The following NCOA3 variants were observed in gnomAD, a reference collection of about 807,000 sequenced individuals.
The protein encoded by NCOA3 is nuclear receptor coactivator 3, also known as CBP-interacting protein.
NCOA3 carries 51 observed loss-of-function variants against 158.8 expected under a neutral mutation model. That is an observed-to-expected ratio of 0.32 (90% CI 0.26 to 0.41). The LOEUF (loss-of-function observed/expected upper bound fraction) is 0.41. Among genes scored for constraint, NCOA3 ranks in the 10% least tolerant of loss-of-function variants. The pLI is 1.00. For missense variants in NCOA3, 1,510 were observed against 1,746.6 expected (o/e 0.86, Z 2.41); for synonymous variants, 537 against 592.4 (o/e 0.91, Z 1.36).
At chr20:47,522,957 G>A (rs1236665843) in intron 1 of NCOA3, among the ~76,000 whole-genome samples, 4 of 151,672 alleles carry the variant, frequency 2.6e-5, no homozygotes, top group Non-Finnish European at 5.9e-5. Flanking sequence ...TTGGGAGGCC[G>A]AGGTGGGCGG....
intron 1 of NCOA3, among the ~76,000 whole-genome samples, chr20:47,542,998 T>TA (rs1192376471): frequency 6.6e-6 from 1 of 152,054 alleles, no homozygotes; most frequent in African/African-American, 2.4e-5. Context: ...AACTCCTTAG[T>TA]ATTTATTATC....
At chr20:47,590,453 G>A (rs928357076) in intron 2 of NCOA3, among the ~76,000 whole-genome samples, 3 of 152,032 alleles carry the variant, frequency 2.0e-5, no homozygotes, top group African/African-American at 4.8e-5. Flanking sequence ...GAGTAGCTGG[G>A]ACTACAGGCA....
intron 1 of NCOA3, among the ~76,000 whole-genome samples, chr20:47,579,861 G>T (rs6125048): frequency 0.053 from 7,996 of 152,240 alleles, 952 homozygotes; most frequent in East Asian, 0.4. Context: ...CTGCCTCTCT[G>T]AACTAGAGTT....
intron 2 of NCOA3, among the ~76,000 whole-genome samples, chr20:47,608,747 T>A (rs2085994351): frequency 6.6e-6 from 1 of 152,166 alleles, no homozygotes; most frequent in South Asian, 2.1e-4. Context: ...TTCCAGTTTT[T>A]AAGAGGTAAA....
intron 16 of NCOA3, among the ~76,000 whole-genome samples, chr20:47,641,490 CTTTTTTTTT>C (rs71183270): frequency 6.2e-4 from 30 of 48,362 alleles, no homozygotes; most frequent in African/African-American, 2.5e-3. Flanking sequence ...TGGCTCCCTT[CTTTTTTTTT>C]TTTTTTTTTT....
chr20:47,544,114 G>T (rs2084788474), intron 1 of NCOA3, among the ~76,000 whole-genome samples: 1 of 151,964 alleles, frequency 6.6e-6, no homozygotes, highest in Non-Finnish European at 1.5e-5. Flanking sequence ...GCTAACACTG[G>T]TATAATACTG....
At chr20:47,629,323 G>A (rs1361595370) in intron 8 of NCOA3, among the ~76,000 whole-genome samples, 5 of 151,742 alleles carry the variant, frequency 3.3e-5, no homozygotes, top group African/African-American at 1.2e-4. Context: ...TTACGCTGAT[G>A]GATGTTACTT....
At chr20:47,625,897 A>G (rs570482955) in intron 5 of NCOA3, among the ~76,000 whole-genome samples, 9 of 152,366 alleles carry the variant, frequency 5.9e-5, no homozygotes, top group East Asian at 1.9e-4. Context: ...TGATGACTAT[A>G]TAGCACTTAC....
Position 47,646,990 on chromosome 20 carries a change from G to A in NCOA3, c.3253-83G>A, listed in dbSNP as rs1411924641. The A allele has an allele frequency of 3.8e-6, 5 of 1,307,406 alleles. No homozygotes were observed. In the African/African-American group the frequency reaches 7.4e-5, roughly 19 times the overall value. The allele number at this position is 1,307,406 out of a possible 1,614,324, so 81.0% of individuals were successfully genotyped here. The stretch of plus-strand genomic sequence containing the variant: ...TTAAATACTTGTTGAATGACTGGAT[G>A]TTTTTTGCACTTTCTTTAGAGCATT... On this transcript the variant is annotated intron_variant, in intron 17 of 22. Transcript: ENST00000371998.
rs1256541856 is a variant in NCOA3 at position 47,542,008 on chromosome 20, A to AGTTTTTTT, written c.-99+39990_-99+39997dup. ...TATCAAATTATTTTTTGCCCTGTAG[A>AGTTTTTTT]GTTTTTTTTTTTTTTTTTTTTTGTT... On this transcript the variant is annotated intron_variant, in intron 1 of 22. Coordinates refer to ENST00000371998, the MANE Select transcript of NCOA3 (RefSeq NM_181659.3). Among the ~76,000 whole-genome samples the AGTTTTTTT allele has an allele frequency of 1.2e-3, 66 of 54,256 alleles. 6 individuals are homozygous for AGTTTTTTT. The highest frequency in any genetic ancestry group is 6.9e-4 in the Non-Finnish European group (17 of 24,716). 35.6% of individuals were successfully genotyped at this position (54,256 alleles called of 152,430 possible).
intron 2 of NCOA3, among the ~76,000 whole-genome samples, chr20:47,615,353 C>T (rs1235821042): frequency 6.6e-6 from 1 of 152,160 alleles, no homozygotes; most frequent in African/African-American, 2.4e-5. Flanking sequence ...TTAGGTCCCT[C>T]AAAATAACTT....
chr20:47,563,240 G>A (rs1055923479), intron 1 of NCOA3, among the ~76,000 whole-genome samples: 4 of 152,112 alleles, frequency 2.6e-5, no homozygotes, highest in African/African-American at 9.7e-5. Flanking sequence ...TTTTTTGGTG[G>A]CATCATTTTT....
intron 1 of NCOA3, among the ~76,000 whole-genome samples, chr20:47,520,046 G>T (rs2084301198): frequency 9.0e-6 from 1 of 110,942 alleles, no homozygotes; most frequent in South Asian, 3.4e-4. Context: ...ACAGGTGTGA[G>T]CAACTGTGCC....
At chr20:47,502,094 C>T (rs971230954) in intron 1 of NCOA3, 75 bp downstream of exon 1, 10 of 398,646 alleles carry the variant, frequency 2.5e-5, no homozygotes, top group African/African-American at 1.9e-4. Context: ...GGGGCGAGTT[C>T]CCCAGGCTGC....
intron 16 of NCOA3, among the ~76,000 whole-genome samples, chr20:47,641,552 G>C (rs2086611272): frequency 7.5e-6 from 1 of 133,396 alleles, no homozygotes; most frequent in South Asian, 2.4e-4. Flanking sequence ...CCAGCCTGGA[G>C]TGCAGTGGCG....
intron 1 of NCOA3, among the ~76,000 whole-genome samples, chr20:47,526,380 A>G (rs1447391754): frequency 3.3e-5 from 5 of 152,088 alleles, no homozygotes; most frequent in South Asian, 2.1e-4. Flanking sequence ...AGAGGCTGCA[A>G]TCTCGGCACT....
intron 2 of NCOA3, 118 bp from the exon 3 acceptor site, chr20:47,622,111 T>C (rs367610280): frequency 1.0e-4 from 58 of 562,174 alleles, no homozygotes; most frequent in African/African-American, 9.3e-4. Flanking sequence ...TTGAGAATTA[T>C]CTGTTTAGAG....
intron 1 of NCOA3, among the ~76,000 whole-genome samples, chr20:47,530,985 C>G (rs1198117982): frequency 6.6e-6 from 1 of 152,048 alleles, no homozygotes; most frequent in East Asian, 1.9e-4. Context: ...AATTATCTAC[C>G]CTGTTTCATC....
At chr20:47,520,005 G>A (rs1400810371) in intron 1 of NCOA3, among the ~76,000 whole-genome samples, 3 of 134,094 alleles carry the variant, frequency 2.2e-5, no homozygotes, top group Admixed American at 8.8e-5. Context: ...CTTGTGATCC[G>A]CCGGCTTCAG....
Sources: allele counts gnomAD v4.1 joint callset (sites outside exome capture counted in the v4.1 genomes callset), GRCh38; gene constraint gnomAD v4.1.1; transcripts MANE v1.5; gene names NCBI Gene and HGNC (gene_info 2026-07-23, HGNC 2026-07-21).